CNBD1: variants seen among roughly 807,000 people sequenced by gnomAD.
CNBD1 encodes the protein cyclic nucleotide binding domain containing 1.
CNBD1 carries 71 observed loss-of-function variants against 54.4 expected under a neutral mutation model. The ratio of observed to expected loss-of-function variants is 1.30; its 90% CI spans 1.08 to 1.59. The LOEUF (loss-of-function observed/expected upper bound fraction) is 1.59. Ranked by LOEUF, CNBD1 falls within the 40% of genes most tolerant of loss-of-function variation. The probability of loss-of-function intolerance (pLI) is 0.00; values close to 1 mark genes in which losing one functional copy is unlikely to be tolerated. For synonymous variants in CNBD1, 182 were observed against 170.7 expected (o/e 1.07, Z -0.51); for missense variants, 659 against 518.0 (o/e 1.27, Z -2.64).
chr8:87,077,316 G>T (rs796159084), intron 4 of CNBD1, among the ~76,000 whole-genome samples: 5 of 151,988 alleles, frequency 3.3e-5, no homozygotes, highest in South Asian at 4.2e-4. Flanking sequence ...CTTAGTGAGG[G>T]TTCTCTTCCC....
intron 8 of CNBD1, among the ~76,000 whole-genome samples, chr8:87,333,369 T>C (rs1209777146): frequency 5.3e-5 from 8 of 152,180 alleles, no homozygotes; most frequent in Admixed American, 3.3e-4. Context: ...CCTTTATTTC[T>C]TTCTCTTGCC....
intron 8 of CNBD1, among the ~76,000 whole-genome samples, chr8:87,318,684 C>G (rs1047752723): frequency 1.3e-5 from 2 of 151,784 alleles, no homozygotes; most frequent in African/African-American, 4.8e-5. Context: ...ACCTGGAAGA[C>G]TCTCAGAGGA....
chr8:87,304,735 C>T (rs532336719), intron 8 of CNBD1, among the ~76,000 whole-genome samples: 2 of 152,168 alleles, frequency 1.3e-5, no homozygotes, highest in East Asian at 3.9e-4. Flanking sequence ...AAACTCTCAG[C>T]AATGTCGGCA....
chr8:86,919,788 A>T (rs1403352593), intron 3 of CNBD1, among the ~76,000 whole-genome samples: 2 of 152,162 alleles, frequency 1.3e-5, no homozygotes, highest in African/African-American at 4.8e-5. Flanking sequence ...TGTCAAAGTG[A>T]CTTTCAATAA....
intron 4 of CNBD1, among the ~76,000 whole-genome samples, chr8:87,063,327 T>C (rs1019085409): frequency 1.3e-5 from 2 of 152,210 alleles, no homozygotes; most frequent in African/African-American, 4.8e-5. Context: ...TGGAACAATA[T>C]GGTCCATATA....
chr8:87,102,606 CT>C (rs1203914290), intron 4 of CNBD1, among the ~76,000 whole-genome samples: 5 of 151,148 alleles, frequency 3.3e-5, no homozygotes, highest in Admixed American at 6.6e-5. Context: ...GGCAGCAGGA[CT>C]TTTTTTTGTT....
chr8:86,939,462 TA>T (rs1809610481), intron 3 of CNBD1, 133 bp from the exon 4 acceptor site: 2 of 519,450 alleles, frequency 3.9e-6, no homozygotes, highest in Non-Finnish European at 3.4e-6. Context: ...CTAATGCATT[TA>T]AAAAGAATAT....
chr8:87,078,756 G>C (rs1045699355), intron 4 of CNBD1, among the ~76,000 whole-genome samples: 42 of 152,278 alleles, frequency 2.8e-4, no homozygotes, highest in African/African-American at 9.1e-4. Flanking sequence ...CTTTTCAAAA[G>C]CTATTCAGGC....
In CNBD1 at chr8:87,420,006, C is replaced by G. The variant is rs1315434301; in HGVS notation, c.214-8540C>G. ...TAGCAATATGTAAGTATATTGAATC[C>G]AGAAATATATAGAAAGCACTATACA... On this transcript the variant is annotated intron_variant, in intron 2 of 7. Coordinates refer to the CNBD1 transcript ENST00000521593. Among the ~76,000 whole-genome samples the G allele has an allele frequency of 4.0e-5, 6 of 149,662 alleles. No homozygotes were observed. The East Asian group carries it at 1.2e-3, about 29-fold the overall frequency.
intron 9 of CNBD1, 76 bp downstream of exon 9, chr8:87,351,870 T>C (rs1563565330): frequency 1.6e-6 from 2 of 1,248,762 alleles, no homozygotes; most frequent in Middle Eastern, 2.1e-4. Context: ...TTTCATGTAC[T>C]TACTAGACAT....
rs1807509715 is a variant in CNBD1 at position 86,948,056 on chromosome 8, C to T, written c.431+8302C>T. ...CTTATTTCATTTAATATAATGACCT[C>T]CAGTTCCATCCATGTTGTTGCAAAT... On this transcript the variant is annotated intron_variant, in intron 4 of 10. Transcript: ENST00000518476. Among the ~76,000 whole-genome samples, 4 of 152,072 alleles carry T rather than the reference C, an allele frequency of 2.6e-5. No homozygotes were observed. The South Asian group carries it at 8.3e-4, about 32-fold the overall frequency.
intron 10 of CNBD1, among the ~76,000 whole-genome samples, chr8:87,380,754 T>C (rs748909640): frequency 6.6e-6 from 1 of 152,020 alleles, no homozygotes; most frequent in Non-Finnish European, 1.5e-5. Context: ...TTATTCTAAG[T>C]ATTTTATTGT....
chr8:87,250,103 T>A (rs1224145258), intron 6 of CNBD1, among the ~76,000 whole-genome samples: 1 of 152,118 alleles, frequency 6.6e-6, no homozygotes, highest in Non-Finnish European at 1.5e-5. Context: ...CCAGAATTTA[T>A]AAGGAGCTCA....
At chr8:86,957,637 C>T (rs1807812710) in intron 4 of CNBD1, among the ~76,000 whole-genome samples, 1 of 152,150 alleles carries the variant, frequency 6.6e-6, no homozygotes, top group Admixed American at 6.5e-5. Context: ...ATAGTATTCT[C>T]TGATGGTAGT....
intron 2 of CNBD1, among the ~76,000 whole-genome samples, chr8:87,411,397 CATATAT>C (rs6150689): frequency 0.014 from 1,307 of 92,396 alleles, 58 homozygotes; most frequent in African/African-American, 0.051. Flanking sequence ...CTAGCTATAT[CATATAT>C]ATATATATAT....
At chr8:87,041,349 C>T (rs562973571) in intron 4 of CNBD1, among the ~76,000 whole-genome samples, 9 of 152,148 alleles carry the variant, frequency 5.9e-5, no homozygotes, top group Non-Finnish European at 1.0e-4. Context: ...TGGTGCAGAA[C>T]TAAGGGAATA....
chr8:87,377,885 G>C (rs1315613988), intron 10 of CNBD1, among the ~76,000 whole-genome samples: 1 of 151,314 alleles, frequency 6.6e-6, no homozygotes, highest in Non-Finnish European at 1.5e-5. Context: ...GTTTCGATTT[G>C]CATTTCTCTG....
intron 4 of CNBD1, among the ~76,000 whole-genome samples, chr8:87,074,577 A>G (rs1450630234): frequency 1.3e-5 from 2 of 152,160 alleles, no homozygotes; most frequent in Non-Finnish European, 2.9e-5. Flanking sequence ...TGGGCTCACA[A>G]GGGGATCTCC....
At chr8:87,074,564 C>T (rs1033881500) in intron 4 of CNBD1, among the ~76,000 whole-genome samples, 4 of 152,116 alleles carry the variant, frequency 2.6e-5, no homozygotes, top group Admixed American at 2.6e-4. Flanking sequence ...GGCCCTGGTG[C>T]CATGGGCTCA....
Sources: allele counts gnomAD v4.1 joint callset (sites outside exome capture counted in the v4.1 genomes callset), GRCh38; gene constraint gnomAD v4.1.1; transcripts MANE v1.5; gene names NCBI Gene and HGNC (gene_info 2026-07-23, HGNC 2026-07-21).